Variants in ZFAND3 observed in about 807,000 individuals in gnomAD.
The protein encoded by ZFAND3 is AN1-type zinc finger protein 3.
Under a neutral mutation model 29.6 loss-of-function variants are expected in ZFAND3, and 10 were observed. The observed-to-expected ratio is 0.34, with a 90% CI of 0.21 to 0.57. The LOEUF (loss-of-function observed/expected upper bound fraction) is 0.57. Ranked by LOEUF, ZFAND3 falls within the 20% of genes least tolerant of loss-of-function variation. The pLI is 0.86. For synonymous variants in ZFAND3, 128 were observed against 112.6 expected (o/e 1.14, Z -0.87); for missense variants, 230 against 304.5 (o/e 0.76, Z 1.82).
chr6:37,870,292 CAAAAAAAAAA>C (rs1174577231), intron 1 of ZFAND3, among the ~76,000 whole-genome samples: 4 of 33,488 alleles, frequency 1.2e-4, no homozygotes, highest in East Asian at 8.3e-4. Context: ...GAGACTGTCT[CAAAAAAAAAA>C]AAAAAAAAAA....
At chr6:38,135,749 A>T (rs1192654549) in intron 5 of ZFAND3, among the ~76,000 whole-genome samples, 1 of 147,540 alleles carries the variant, frequency 6.8e-6, no homozygotes, top group Non-Finnish European at 1.5e-5. Context: ...CATCTCAATT[A>T]AAAAAAAAAC....
At chr6:38,130,091 G>A (rs987095940) in intron 5 of ZFAND3, among the ~76,000 whole-genome samples, 2 of 151,700 alleles carry the variant, frequency 1.3e-5, no homozygotes, top group African/African-American at 4.8e-5. Flanking sequence ...TGTTTGTTTT[G>A]TTTTTGCACC....
At chr6:38,127,654 C>T (rs1009256867) in intron 5 of ZFAND3, among the ~76,000 whole-genome samples, 1 of 150,334 alleles carries the variant, frequency 6.7e-6, no homozygotes, top group African/African-American at 2.5e-5. Flanking sequence ...CACGTACCAC[C>T]AGAATTAGAA....
At chr6:38,126,315 A>T (rs1394861521) in intron 5 of ZFAND3, among the ~76,000 whole-genome samples, 4 of 152,162 alleles carry the variant, frequency 2.6e-5, no homozygotes, top group African/African-American at 9.7e-5. Context: ...GTCGACATAC[A>T]CTTGGGTTAT....
intron 2 of ZFAND3, among the ~76,000 whole-genome samples, chr6:38,049,883 C>T (rs1335981733): frequency 1.7e-5 from 2 of 117,406 alleles, no homozygotes; most frequent in Non-Finnish European, 3.4e-5. Context: ...CCCACCCCCA[C>T]CCCCACCCCC....
chr6:38,150,210 T>G (rs979572438), intron 5 of ZFAND3, among the ~76,000 whole-genome samples: 1 of 152,222 alleles, frequency 6.6e-6, no homozygotes, highest in African/African-American at 2.4e-5. Flanking sequence ...CATGAGCTCA[T>G]TAATCTTAAC....
chr6:37,876,759 T>G (rs1764800763), intron 1 of ZFAND3, among the ~76,000 whole-genome samples: 1 of 152,220 alleles, frequency 6.6e-6, no homozygotes, highest in Non-Finnish European at 1.5e-5. Context: ...TTTGCATATA[T>G]TGATAGGAAA....
chr6:38,054,875 A>G (rs1764103890), intron 2 of ZFAND3, among the ~76,000 whole-genome samples: 1 of 152,216 alleles, frequency 6.6e-6, no homozygotes, highest in Admixed American at 6.5e-5. Context: ...TTTTAATCAG[A>G]AGGCTAGAAG....
At position 38,153,205 on chromosome 6, in the gene ZFAND3, C is replaced by A. The variant is rs1468729985; in HGVS notation, c.*816C>A. On this transcript the variant is annotated 3_prime_UTR_variant, in exon 6 of 6. Transcript: ENST00000287218. ...GGCACGGACCAGATGTGGCGAATGG[C>A]AGCACAGCGCGGTGGCTGGGTCTGC... is the stretch of plus-strand genomic sequence containing the variant. 1.0e-6 allele frequency: 1 copy of A among 985,370 alleles called. No homozygotes were observed. The highest frequency in any genetic ancestry group is 1.2e-6 in the Non-Finnish European group (1 of 829,950). The allele number at this position is 985,370 out of a possible 1,614,324, so 61.0% of individuals were successfully genotyped here.
intron 2 of ZFAND3, among the ~76,000 whole-genome samples, chr6:37,942,747 G>A (rs915081029): frequency 6.6e-6 from 1 of 152,016 alleles, no homozygotes; most frequent in African/African-American, 2.4e-5. Flanking sequence ...TAGACCATAG[G>A]CTAATAGTTT....
intron 2 of ZFAND3, among the ~76,000 whole-genome samples, chr6:37,976,506 C>G (rs901731941): frequency 6.6e-6 from 1 of 150,642 alleles, no homozygotes; most frequent in Non-Finnish European, 1.5e-5. Context: ...ATCACTTGAG[C>G]CCCGGAAGTA....
intron 4 of ZFAND3, among the ~76,000 whole-genome samples, chr6:38,098,826 TC>T (rs755989965): frequency 1.7e-4 from 26 of 152,318 alleles, no homozygotes; most frequent in Non-Finnish European, 3.4e-4. Flanking sequence ...TTAAAGTAAG[TC>T]CTCACTTAAC....
chr6:37,835,664 T>A (rs1763954286), intron 1 of ZFAND3, among the ~76,000 whole-genome samples: 1 of 152,204 alleles, frequency 6.6e-6, no homozygotes. Context: ...AGTCCCTTAC[T>A]GGGAGACCAT....
In ZFAND3 at chr6:38,094,157, C is replaced by A. The variant is rs73419986; in HGVS notation, c.361+11700C>A. Among the ~76,000 whole-genome samples, 233 of 151,634 alleles carry A rather than the reference C, an allele frequency of 1.5e-3. 1 individual carries two copies. The highest frequency in any genetic ancestry group is 4.7e-3 in the African/African-American group (195 of 41,446). On this transcript the variant is annotated intron_variant, in intron 4 of 5. Transcript: ENST00000287218. ...GTTCTGATTAAAGGAAAAAATAATA[C>A]CATAAGTTGTAAGTAGCAGCAGAGA...
At chr6:38,146,184 C>T (rs1282338909) in intron 5 of ZFAND3, among the ~76,000 whole-genome samples, 3 of 152,194 alleles carry the variant, frequency 2.0e-5, no homozygotes, top group Non-Finnish European at 4.4e-5. Context: ...ATGCTGTCTG[C>T]TCACTTGAAG....
At chr6:37,955,229 G>T (rs1762067212) in intron 2 of ZFAND3, among the ~76,000 whole-genome samples, 1 of 151,766 alleles carries the variant, frequency 6.6e-6, no homozygotes, top group Admixed American at 6.6e-5. Context: ...ATACATTTTG[G>T]CAGTCTATTG....
At chr6:38,049,238 C>T (rs948458977) in intron 2 of ZFAND3, among the ~76,000 whole-genome samples, 1 of 152,152 alleles carries the variant, frequency 6.6e-6, no homozygotes, top group Non-Finnish European at 1.5e-5. Context: ...AAATTATTTT[C>T]ATTGCATTAG....
chr6:38,060,093 C>A (rs1764205149), intron 2 of ZFAND3, among the ~76,000 whole-genome samples: 2 of 151,988 alleles, frequency 1.3e-5, no homozygotes, highest in African/African-American at 4.8e-5. Flanking sequence ...TCAACCAAAC[C>A]CAGATTGAAA....
intron 2 of ZFAND3, among the ~76,000 whole-genome samples, chr6:37,990,523 T>C (rs1333703945): frequency 6.6e-6 from 1 of 152,202 alleles, no homozygotes; most frequent in East Asian, 1.9e-4. Flanking sequence ...GGTTAGAGTG[T>C]GTCTGACCCA....
Sources: allele counts gnomAD v4.1 joint callset (sites outside exome capture counted in the v4.1 genomes callset), GRCh38; gene constraint gnomAD v4.1.1; transcripts MANE v1.5; gene names NCBI Gene and HGNC (gene_info 2026-07-23, HGNC 2026-07-21).